Variants in CNTN5 observed in about 807,000 individuals in gnomAD.
CNTN5 encodes the protein contactin-5.
CNTN5 carries 77 observed loss-of-function variants against 129.1 expected under a neutral mutation model. That is an observed-to-expected ratio of 0.60 (90% CI 0.50 to 0.72). The LOEUF (loss-of-function observed/expected upper bound fraction) is 0.72, where lower values mean the gene tolerates loss of function less well. Among genes scored for constraint, CNTN5 ranks in the 30% least tolerant of loss-of-function variants. The probability of loss-of-function intolerance (pLI) is 0.00; values close to 1 mark genes in which losing one functional copy is unlikely to be tolerated. For synonymous variants in CNTN5, 509 were observed against 465.6 expected (o/e 1.09, Z -1.20); for missense variants, 1,478 against 1,328.8 (o/e 1.11, Z -1.75).
intron 3 of CNTN5, among the ~76,000 whole-genome samples, chr11:99,597,514 GAA>G (rs10715167): frequency 4.6e-5 from 7 of 151,108 alleles, no homozygotes; most frequent in East Asian, 3.9e-4. Flanking sequence ...GTTTAAGACT[GAA>G]AAAAAAAAAT....
At chr11:99,524,310 G>A (rs1442115610) in intron 2 of CNTN5, among the ~76,000 whole-genome samples, 3 of 152,014 alleles carry the variant, frequency 2.0e-5, no homozygotes, top group Non-Finnish European at 4.4e-5. Flanking sequence ...TTCATAAAAT[G>A]ATCATTTTAA....
chr11:99,461,933 T>A (rs761686924), intron 2 of CNTN5, among the ~76,000 whole-genome samples: 3 of 152,230 alleles, frequency 2.0e-5, no homozygotes, highest in Non-Finnish European at 4.4e-5. Context: ...TTTTGAGGCA[T>A]TTTTAAATTG....
intron 13 of CNTN5, among the ~76,000 whole-genome samples, chr11:100,093,126 C>G (rs771375177): frequency 6.6e-6 from 1 of 152,050 alleles, no homozygotes; most frequent in Admixed American, 6.6e-5. Context: ...TGCAACAGTG[C>G]GGGGTTGACT....
At chr11:99,548,801 C>A (rs1948383464) in intron 2 of CNTN5, among the ~76,000 whole-genome samples, 1 of 152,028 alleles carries the variant, frequency 6.6e-6, no homozygotes, top group African/African-American at 2.4e-5. Context: ...TTAGTATTTT[C>A]CATTTTCAAT....
At chr11:100,349,154 G>C (rs1015686345) in intron 23 of CNTN5, among the ~76,000 whole-genome samples, 6 of 151,802 alleles carry the variant, frequency 4.0e-5, no homozygotes, top group African/African-American at 1.4e-4. Context: ...TGAAAAAAAA[G>C]AAAGTGAAAT....
intron 3 of CNTN5, among the ~76,000 whole-genome samples, chr11:99,813,043 C>G (rs1946477432): frequency 6.6e-6 from 1 of 151,914 alleles, no homozygotes. Context: ...TCCACCAATA[C>G]TCCCAGATTG....
intron 1 of CNTN5, among the ~76,000 whole-genome samples, chr11:99,129,216 C>T (rs1858808653): frequency 6.6e-6 from 1 of 152,100 alleles, no homozygotes; most frequent in Non-Finnish European, 1.5e-5. Flanking sequence ...TAAAAGATTA[C>T]AGGAATCTGT....
chr11:99,177,394 G>A (rs1218146118), intron 1 of CNTN5, among the ~76,000 whole-genome samples: 1 of 152,200 alleles, frequency 6.6e-6, no homozygotes, highest in South Asian at 2.1e-4. Flanking sequence ...TGTTGAATGA[G>A]TGAATAAATG....
At chr11:99,835,301 A>G (rs1947267344) in intron 4 of CNTN5, among the ~76,000 whole-genome samples, 1 of 152,162 alleles carries the variant, frequency 6.6e-6, no homozygotes, top group South Asian at 2.1e-4. Flanking sequence ...TGAAAAAAGG[A>G]ATGAATGACT....
rs563699895 is a variant in CNTN5 at position 99,228,298 on chromosome 11, T to C, written c.-209-97048T>C. Among the ~76,000 whole-genome samples the C allele has an allele frequency of 3.9e-5, 6 of 152,178 alleles. No individual in the cohort carries two copies. In the South Asian group the frequency reaches 1.0e-3, roughly 26 times the overall value. On this transcript the variant is annotated intron_variant, in intron 1 of 24. Transcript: ENST00000524871. ...TGGATGCAGGTAGAGAGTAGAATGA[T>C]AGTAGAATGATAGATACTAGAGGCT...
chr11:99,928,888 G>A (rs1950126242), intron 7 of CNTN5, among the ~76,000 whole-genome samples: 1 of 152,104 alleles, frequency 6.6e-6, no homozygotes, highest in Admixed American at 6.5e-5. Flanking sequence ...GAACTTCTAT[G>A]CTCTGTTTCC....
intron 21 of CNTN5, among the ~76,000 whole-genome samples, chr11:100,336,592 G>C (rs570737024): frequency 1.3e-5 from 2 of 152,074 alleles, no homozygotes; most frequent in South Asian, 4.1e-4. Flanking sequence ...ACTTTAATTT[G>C]GTTTCAAGTG....
chr11:100,316,367 C>T lies in CNTN5; in HGVS notation c.2730+7899C>T, dbSNP rs79906066. On this transcript the variant is annotated intron_variant, in intron 21 of 24. Transcript: ENST00000524871. Reference sequence around the variant, plus strand: ...CATATAAATAAGATCTAGTCCTTACCCTCAAAAAGCTCACAGTCTAATATT... The same window carrying T: ...CATATAAATAAGATCTAGTCCTTACTCTCAAAAAGCTCACAGTCTAATATT... 4.0e-3 allele frequency among the ~76,000 whole-genome samples: 610 copies of T among 152,110 alleles called. 13 individuals carry two copies. The highest frequency in any genetic ancestry group is 0.029 in the Admixed American group (440 of 15,270).
chr11:100,285,962 G>A (rs1252565128), intron 18 of CNTN5, among the ~76,000 whole-genome samples: 2 of 152,234 alleles, frequency 1.3e-5, no homozygotes, highest in African/African-American at 4.8e-5. Context: ...AGGGGTCAGG[G>A]AGCTCCCTTT....
intron 3 of CNTN5, among the ~76,000 whole-genome samples, chr11:99,802,507 A>G (rs187974852): frequency 3.9e-5 from 6 of 152,340 alleles, no homozygotes; most frequent in African/African-American, 1.2e-4. Flanking sequence ...GTGCCTCAGC[A>G]TGGAGCTGTG....
At chr11:99,313,156 T>G (rs901751944) in intron 1 of CNTN5, among the ~76,000 whole-genome samples, 8 of 151,828 alleles carry the variant, frequency 5.3e-5, no homozygotes, top group African/African-American at 1.4e-4. Flanking sequence ...GGATAATATA[T>G]TCAATGAATA....
intron 18 of CNTN5, among the ~76,000 whole-genome samples, chr11:100,285,281 C>G (rs1053572979): frequency 1.3e-5 from 2 of 152,164 alleles, no homozygotes; most frequent in Non-Finnish European, 2.9e-5. Flanking sequence ...ACCCTACGGT[C>G]TCTTGACTTG....
chr11:100,284,384 T>G (rs912027543), intron 18 of CNTN5, among the ~76,000 whole-genome samples: 4 of 152,216 alleles, frequency 2.6e-5, no homozygotes, highest in Non-Finnish European at 4.4e-5. Context: ...AGTTAGAGAT[T>G]AGATAGATTG....
chr11:99,650,662 T>A (rs1175334518), intron 3 of CNTN5, among the ~76,000 whole-genome samples: 1 of 151,970 alleles, frequency 6.6e-6, no homozygotes, highest in Non-Finnish European at 1.5e-5. Context: ...TCTCTTTAGC[T>A]GAATTTTGGA....
Sources: allele counts gnomAD v4.1 joint callset (sites outside exome capture counted in the v4.1 genomes callset), GRCh38; gene constraint gnomAD v4.1.1; transcripts MANE v1.5; gene names NCBI Gene and HGNC (gene_info 2026-07-23, HGNC 2026-07-21).